KIAA1549L: variants seen among roughly 807,000 people sequenced by gnomAD.
KIAA1549L encodes the protein UPF0606 protein KIAA1549L.
Under a neutral mutation model 160.7 loss-of-function variants are expected in KIAA1549L, and 88 were observed. The ratio of observed to expected loss-of-function variants is 0.55; its 90% CI spans 0.46 to 0.65. The LOEUF (loss-of-function observed/expected upper bound fraction) is 0.65, where lower values mean the gene tolerates loss of function less well. Among genes scored for constraint, KIAA1549L ranks in the 30% least tolerant of loss-of-function variants. KIAA1549L has a pLI of 0.00. For missense variants in KIAA1549L, 2,258 were observed against 2,437.5 expected (o/e 0.93, Z 1.55); for synonymous variants, 950 against 976.7 (o/e 0.97, Z 0.51).
At chr11:33,610,376 A>G (rs942854369) in intron 15 of KIAA1549L, among the ~76,000 whole-genome samples, 4 of 152,186 alleles carry the variant, frequency 2.6e-5, no homozygotes, top group African/African-American at 9.7e-5. Flanking sequence ...CAGCCTCAGT[A>G]AGTACTTACT....
intron 1 of KIAA1549L, among the ~76,000 whole-genome samples, chr11:33,521,052 A>G (rs1853480805): frequency 6.6e-6 from 1 of 151,962 alleles, no homozygotes; most frequent in Admixed American, 6.6e-5. Context: ...CCGTAGCTCT[A>G]GCTACTCAGG....
chr11:33,500,401 G>A (rs1035652869), intron 1 of KIAA1549L, among the ~76,000 whole-genome samples: 4 of 152,198 alleles, frequency 2.6e-5, no homozygotes, highest in African/African-American at 9.6e-5. Context: ...TTTCCTTATA[G>A]AGAAGTCAAG....
intron 18 of KIAA1549L, among the ~76,000 whole-genome samples, chr11:33,657,815 TAATG>T (rs1042831393): frequency 1.3e-5 from 2 of 151,918 alleles, no homozygotes; most frequent in African/African-American, 2.4e-5. Flanking sequence ...AAAATAAAAA[TAATG>T]AAAGGGAAGG....
intron 1 of KIAA1549L, among the ~76,000 whole-genome samples, chr11:33,487,345 G>T (rs1852550218): frequency 6.6e-6 from 1 of 151,954 alleles, no homozygotes; most frequent in Non-Finnish European, 1.5e-5. Flanking sequence ...AGCCCACTAG[G>T]TGGGGGGCAG....
chr11:33,401,992 G>T (rs1042749489), intron 1 of KIAA1549L, among the ~76,000 whole-genome samples: 1 of 152,234 alleles, frequency 6.6e-6, no homozygotes, highest in African/African-American at 2.4e-5. Context: ...CCAGCCAGTT[G>T]TTCCCGTGGG....
At chr11:33,511,811 A>G (rs569216107) in intron 1 of KIAA1549L, among the ~76,000 whole-genome samples, 2 of 152,344 alleles carry the variant, frequency 1.3e-5, no homozygotes, top group East Asian at 3.9e-4. Flanking sequence ...AGTATCTCAC[A>G]TCTCTGGACT....
intron 10 of KIAA1549L, 89 bp downstream of exon 10, chr11:33,574,962 T>C: frequency 9.0e-7 from 1 of 1,106,332 alleles, no homozygotes; most frequent in African/African-American, 1.6e-5. Flanking sequence ...ATGTTAATGG[T>C]CTCAGAGCTA....
intron 1 of KIAA1549L, among the ~76,000 whole-genome samples, chr11:33,438,935 T>A (rs1441244367): frequency 6.6e-6 from 1 of 152,094 alleles, no homozygotes; most frequent in East Asian, 1.9e-4. Context: ...TATTTATTTA[T>A]TTATTTTCTG....
chr11:33,586,667 G>T (rs546874009), intron 11 of KIAA1549L, among the ~76,000 whole-genome samples: 78 of 152,022 alleles, frequency 5.1e-4, no homozygotes, highest in African/African-American at 1.8e-3. Flanking sequence ...ATCTGCTTGG[G>T]ACAGGCCAGT....
intron 1 of KIAA1549L, among the ~76,000 whole-genome samples, chr11:33,428,012 C>T (rs977749335): frequency 6.6e-6 from 1 of 152,194 alleles, no homozygotes; most frequent in African/African-American, 2.4e-5. Flanking sequence ...CTTATCAGTT[C>T]GTCCACTGAT....
At chr11:33,519,889 G>A (rs917164259) in intron 1 of KIAA1549L, among the ~76,000 whole-genome samples, 1 of 151,302 alleles carries the variant, frequency 6.6e-6, no homozygotes, top group African/African-American at 2.4e-5. Flanking sequence ...TAAGAGGTAC[G>A]AAATATCCTT....
chr11:33,642,196 A>G (rs970497303), intron 16 of KIAA1549L, among the ~76,000 whole-genome samples: 2 of 152,156 alleles, frequency 1.3e-5, no homozygotes, highest in Non-Finnish European at 2.9e-5. Context: ...CATTTTACAG[A>G]TGAGGAGCCT....
At chr11:33,429,523 A>G (rs1590237743) in intron 1 of KIAA1549L, among the ~76,000 whole-genome samples, 1 of 151,966 alleles carries the variant, frequency 6.6e-6, no homozygotes, top group East Asian at 1.9e-4. Context: ...TCCTCAATGT[A>G]TTGCCCTCAC....
At chr11:33,580,821 T>C (rs1565196097) in intron 10 of KIAA1549L, among the ~76,000 whole-genome samples, 1 of 152,034 alleles carries the variant, frequency 6.6e-6, no homozygotes. Context: ...ATAAGTAACA[T>C]GTTTGACGCT....
intron 10 of KIAA1549L, among the ~76,000 whole-genome samples, chr11:33,575,838 C>G (rs562503125): frequency 6.6e-6 from 1 of 152,086 alleles, no homozygotes; most frequent in East Asian, 1.9e-4. Context: ...TGTATTGATC[C>G]GGAGACTAAG....
In KIAA1549L at chr11:33,405,527, T is replaced by TA. The variant is rs34490330; in HGVS notation, c.238+28640dup. 4.1e-5 allele frequency among the ~76,000 whole-genome samples: 6 copies of TA among 147,116 alleles called. No homozygotes were observed. In the East Asian group the frequency reaches 8.2e-4, roughly 20 times the overall value. On this transcript the variant is annotated intron_variant, in intron 1 of 20. Transcript: ENST00000658780. ...TCCCTACACTTTTTTTTTTTTTTTT[T>TA]AACATAATACACTGCTTCTAAAGAA... is the stretch of plus-strand genomic sequence containing the variant.
chr11:33,435,983 C>T (rs1467437201), intron 1 of KIAA1549L, among the ~76,000 whole-genome samples: 1 of 122,700 alleles, frequency 8.1e-6, no homozygotes, highest in African/African-American at 3.1e-5. Context: ...AAAAGTACAA[C>T]AAAAAATGAT....
intron 1 of KIAA1549L, among the ~76,000 whole-genome samples, chr11:33,439,676 G>T (rs1851456357): frequency 1.3e-5 from 2 of 151,186 alleles, no homozygotes; most frequent in South Asian, 4.2e-4. Flanking sequence ...CTCCCAAAGT[G>T]CTGGGATTAC....
chr11:33,477,507 G>GCACGCA (rs374982374), intron 1 of KIAA1549L, among the ~76,000 whole-genome samples: 29 of 131,818 alleles, frequency 2.2e-4, no homozygotes, highest in African/African-American at 1.0e-3. Flanking sequence ...GCAGGTGCAC[G>GCACGCA]CACACACACA....
Sources: gnomAD v4.1 joint callset for allele counts (sites outside exome capture counted in the v4.1 genomes callset) on GRCh38, gnomAD v4.1.1 for gene constraint, MANE v1.5 for transcripts, NCBI Gene and HGNC (gene_info 2026-07-23, HGNC 2026-07-21) for gene names.